Variants in ZNF280B observed in about 807,000 individuals in gnomAD.
ZNF280B encodes the protein zinc finger protein 280B.
A neutral mutation model predicts 38.0 loss-of-function variants in ZNF280B; 16 were observed. The ratio of observed to expected loss-of-function variants is 0.42; its 90% CI spans 0.28 to 0.64. ZNF280B has a LOEUF of 0.64. Among genes scored for constraint, ZNF280B ranks in the 30% least tolerant of loss-of-function variants. ZNF280B has a pLI of 0.21. For synonymous variants in ZNF280B, 253 were observed against 230.6 expected (o/e 1.10, Z -0.88); for missense variants, 581 against 639.6 (o/e 0.91, Z 0.99).
intron 2 of ZNF280B, among the ~76,000 whole-genome samples, chr22:22,495,815 C>T (rs960629877): frequency 1.9e-4 from 29 of 150,580 alleles, no homozygotes; most frequent in African/African-American, 6.6e-4. Context: ...TTAATTGAGA[C>T]GGAGTCTTGC....
At chr22:22,491,884 G>C (rs2061602866) in intron 3 of ZNF280B, among the ~76,000 whole-genome samples, 1 of 151,918 alleles carries the variant, frequency 6.6e-6, no homozygotes, top group South Asian at 2.1e-4. Context: ...GTACGCACTA[G>C]AAACCAAGGT....
rs747818754 is a variant in ZNF280B at position 22,488,782 on chromosome 22, T to C, written c.617A>G (p.Asp206Gly). Residue 206 changes from aspartate (D) to glycine (G), a missense_variant, in exon 4 of 4, where the codon GAT becomes GGT. Asp to Gly is a moderately conservative substitution (Grantham distance 94). Coordinates refer to ENST00000626650, the MANE Select transcript of ZNF280B (RefSeq NM_080764.4). ...EGNSSASFPS[D>G]TFHTMNTQQS... The stretch of plus-strand genomic sequence containing the variant: ...CTGAGTATTCATTGTATGAAAGGTA[T>C]CTGAAGGGAATGAAGCTGAAGAATT... 7 of 1,613,746 alleles carry C rather than the reference T, an allele frequency of 4.3e-6. No individual in the cohort carries two copies. Among genetic ancestry groups the C allele is most frequent in the African/African-American group, 4.0e-5 (3 of 74,848 alleles).
At chr22:22,502,814 A>G (rs775809855) in intron 2 of ZNF280B, among the ~76,000 whole-genome samples, 4 of 151,964 alleles carry the variant, frequency 2.6e-5, no homozygotes, top group African/African-American at 4.8e-5. Context: ...GGCCCCCAAA[A>G]TATCAGGTCC....
chr22:22,501,670 G>C (rs1304146796), intron 2 of ZNF280B, among the ~76,000 whole-genome samples: 3 of 151,838 alleles, frequency 2.0e-5, no homozygotes, highest in Non-Finnish European at 4.4e-5. Context: ...TTGAGCCCAA[G>C]AGTTGAAGAT....
At chr22:22,491,499 C>T (rs2061596714) in intron 3 of ZNF280B, among the ~76,000 whole-genome samples, 1 of 147,872 alleles carries the variant, frequency 6.8e-6, no homozygotes, top group African/African-American at 2.5e-5. Context: ...AGCTCTGTCG[C>T]CCAGGCTGGA....
At chr22:22,491,988 T>C (rs1014125775) in intron 3 of ZNF280B, among the ~76,000 whole-genome samples, 3 of 152,098 alleles carry the variant, frequency 2.0e-5, no homozygotes, top group South Asian at 2.1e-4. Context: ...AAAAATTAAA[T>C]TGACATCTAA....
At chr22:22,501,049 C>CAAAAAAA (rs2061813441) in intron 2 of ZNF280B, among the ~76,000 whole-genome samples, 2 of 130,716 alleles carry the variant, frequency 1.5e-5, no homozygotes, top group Non-Finnish European at 3.3e-5. Context: ...AAACAAAAAA[C>CAAAAAAA]CAAAAAAACA....
At chr22:22,499,379 C>T (rs931761706) in intron 2 of ZNF280B, among the ~76,000 whole-genome samples, 1 of 151,848 alleles carries the variant, frequency 6.6e-6, no homozygotes, top group African/African-American at 2.4e-5. Context: ...ATTCTCCTGC[C>T]TCTGCCTCCC....
chr22:22,507,967 T>C (rs2061973435), intron 1 of ZNF280B, 97 bp from the exon 2 acceptor site: 1 of 151,922 alleles, frequency 6.6e-6, no homozygotes, highest in Non-Finnish European at 1.5e-5. Context: ...TTATCAATCA[T>C]CTCACACTTA....
chr22:22,501,040 AACAAAAAACC>A, intron 2 of ZNF280B, among the ~76,000 whole-genome samples: 2 of 149,736 alleles, frequency 1.3e-5, no homozygotes, highest in African/African-American at 2.5e-5. Context: ...AAAAAAAAAA[AACAAAAAACC>A]AAAAAAACAA....
intron 3 of ZNF280B, among the ~76,000 whole-genome samples, chr22:22,493,668 C>T (rs747541891): frequency 4.6e-5 from 7 of 151,894 alleles, no homozygotes; most frequent in African/African-American, 9.7e-5. Flanking sequence ...CAGCCCAGGC[C>T]GCAACTTCTA....
In ZNF280B at chr22:22,503,031, C is replaced by T. The variant is rs190129100; in HGVS notation, c.-187+4779G>A. ...AGTGACATGGTCACAAGCCAAAGAACGTCACATCCACAAACTAGAAGATGC... is the reference window on the plus strand; with the variant it reads ...AGTGACATGGTCACAAGCCAAAGAATGTCACATCCACAAACTAGAAGATGC... On this transcript the variant is annotated intron_variant, in intron 2 of 3. Coordinates refer to ENST00000626650, the MANE Select transcript of ZNF280B (RefSeq NM_080764.4). Among the ~76,000 whole-genome samples the T allele has an allele frequency of 9.9e-5, 15 of 152,058 alleles. No individual in the cohort carries two copies. The East Asian group carries it at 2.7e-3, about 28-fold the overall frequency.
chr22:22,488,294 G>C lies in ZNF280B; in HGVS notation c.1105C>G (p.Gln369Glu). Residue 369 changes from glutamine to glutamate, a missense_variant, in exon 4 of 4, where the codon CAG (glutamine) becomes GAG (glutamate). By Grantham distance (29) the Gln-to-Glu change is conservative. Transcript: ENST00000626650. ...ATTTTACAGACAGTAGAGGGCTCCT[G>C]GGCAGTGTGGACATTTTCGATGTGA... Reference protein sequence around the residue: ...QCHIENVHTAQEPSTVCKICE... With the variant: ...QCHIENVHTAEEPSTVCKICE... The C allele has an allele frequency of 6.2e-7, 1 of 1,613,848 alleles. No individual in the cohort carries two copies. Among genetic ancestry groups the C allele is most frequent in the Non-Finnish European group, 8.5e-7 (1 of 1,179,968 alleles).
intron 2 of ZNF280B, among the ~76,000 whole-genome samples, chr22:22,505,372 C>G (rs1347053274): frequency 6.6e-6 from 1 of 151,766 alleles, no homozygotes; most frequent in Non-Finnish European, 1.5e-5. Context: ...TCGAGACCGG[C>G]CTGGCCAACA....
intron 2 of ZNF280B, among the ~76,000 whole-genome samples, chr22:22,498,420 T>A (rs2156886): frequency 0.15 from 22,542 of 151,634 alleles, 1,956 homozygotes; most frequent in South Asian, 0.29. Flanking sequence ...CACACAGAAA[T>A]AAAGAGAATT....
chr22:22,495,184 C>G (rs530346485), intron 2 of ZNF280B, among the ~76,000 whole-genome samples: 3 of 151,990 alleles, frequency 2.0e-5, no homozygotes, highest in Non-Finnish European at 2.9e-5. Flanking sequence ...TTTCCTCTAA[C>G]AGTACACCTT....
intron 2 of ZNF280B, among the ~76,000 whole-genome samples, chr22:22,501,222 T>G (rs1393623013): frequency 6.6e-6 from 1 of 151,748 alleles, no homozygotes; most frequent in Non-Finnish European, 1.5e-5. Flanking sequence ...TAGAAATGGT[T>G]AAGGTGGTAA....
At chr22:22,499,174 TACCATG>T (rs1163154682) in intron 2 of ZNF280B, among the ~76,000 whole-genome samples, 1 of 151,944 alleles carries the variant, frequency 6.6e-6, no homozygotes, top group East Asian at 2.0e-4. Context: ...AACGATTACA[TACCATG>T]ACCAAGTGGG....
chr22:22,488,116 T>C lies in ZNF280B; in HGVS notation c.1283A>G (p.Asn428Ser), dbSNP rs767206580. Residue 428 changes from asparagine to serine, a missense_variant, in exon 4 of 4, where the codon AAC (asparagine) becomes AGC (serine). Asn to Ser is a conservative substitution (Grantham distance 46, BLOSUM62 1). Coordinates refer to ENST00000626650, the MANE Select transcript of ZNF280B (RefSeq NM_080764.4). ...VETHFRTCHE[N>S]TKNLLCPFCL... ...AAAGGGACAAAGCAAATTCTTTGTG[T>C]TTTCATGGCACGTTCTAAAATGTGT... is the stretch of plus-strand genomic sequence containing the variant. 1 of 1,613,848 alleles carries C rather than the reference T, an allele frequency of 6.2e-7. No individual in the cohort carries two copies. The highest frequency in any genetic ancestry group is 2.2e-5 in the East Asian group (1 of 44,802).
Sources: gnomAD v4.1 joint callset for allele counts (sites outside exome capture counted in the v4.1 genomes callset) on GRCh38, gnomAD v4.1.1 for gene constraint, MANE v1.5 for transcripts, NCBI Gene and HGNC (gene_info 2026-07-23, HGNC 2026-07-21) for gene names.